FGD4: variants seen among roughly 807,000 people sequenced by gnomAD.
The protein encoded by FGD4 is FYVE, RhoGEF and PH domain-containing protein 4.
In FGD4, 42 loss-of-function variants were observed where a neutral mutation model predicts 102.0. The observed-to-expected ratio is 0.41, with a 90% CI of 0.32 to 0.53. The LOEUF is 0.53. Among genes scored for constraint, FGD4 ranks in the 20% least tolerant of loss-of-function variants. The pLI, the probability that FGD4 is intolerant of heterozygous loss-of-function variation, is 0.21. For missense variants in FGD4, 902 were observed against 1,078.2 expected (o/e 0.84, Z 2.29); for synonymous variants, 380 against 375.7 (o/e 1.01, Z -0.13).
chr12:32,585,375 A>C (rs1045509834), intron 4 of FGD4, among the ~76,000 whole-genome samples: 17 of 151,674 alleles, frequency 1.1e-4, no homozygotes, highest in Non-Finnish European at 2.2e-4. Context: ...AAAATGTGAA[A>C]AAAATTGAAC....
At chr12:32,536,307 T>A (rs1223249626) in intron 1 of FGD4, among the ~76,000 whole-genome samples, 1 of 152,328 alleles carries the variant, frequency 6.6e-6, no homozygotes, top group East Asian at 1.9e-4. Flanking sequence ...TTAAATTTAA[T>A]CAGTTCTTCT....
intron 1 of FGD4, among the ~76,000 whole-genome samples, chr12:32,417,877 C>G (rs1438655183): frequency 6.6e-6 from 1 of 151,460 alleles, no homozygotes; most frequent in Admixed American, 6.6e-5. Context: ...GTTTCCTTAC[C>G]ACAGCTCTTT....
intron 1 of FGD4, among the ~76,000 whole-genome samples, chr12:32,475,195 G>A (rs1943554388): frequency 3.3e-5 from 5 of 152,092 alleles, no homozygotes. Context: ...CACAAGAAAT[G>A]GCCTGTGTTT....
chr12:32,473,276 T>C (rs10771955), intron 1 of FGD4, among the ~76,000 whole-genome samples: 147,436 of 151,686 alleles, frequency 0.97, 71,818 homozygotes, highest in East Asian at 1. Context: ...ACTGTGGAAG[T>C]TTTGTTCTTT....
chr12:32,562,480 T>C (rs953936470), intron 1 of FGD4, among the ~76,000 whole-genome samples: 2 of 152,144 alleles, frequency 1.3e-5, no homozygotes, highest in Non-Finnish European at 2.9e-5. Flanking sequence ...GGCAGGGTCA[T>C]AGGACAATAG....
At chr12:32,556,672 C>T (rs562915321) in intron 1 of FGD4, among the ~76,000 whole-genome samples, 2 of 151,922 alleles carry the variant, frequency 1.3e-5, no homozygotes, top group Admixed American at 6.6e-5. Context: ...GCCTGGCCGA[C>T]GTGGTGAAAC....
chr12:32,444,928 A>G (rs527549963), intron 1 of FGD4, among the ~76,000 whole-genome samples: 1 of 152,336 alleles, frequency 6.6e-6, no homozygotes, highest in East Asian at 1.9e-4. Flanking sequence ...GATATTATTA[A>G]TAGATATGTT....
At chr12:32,586,853 T>C (rs2136475350) in intron 4 of FGD4, among the ~76,000 whole-genome samples, 1 of 152,280 alleles carries the variant, frequency 6.6e-6, no homozygotes, top group East Asian at 1.9e-4. Context: ...CAATACTGAA[T>C]TGAGGGGCTT....
chr12:32,526,375 C>G (rs1315335387), intron 1 of FGD4, among the ~76,000 whole-genome samples: 5 of 152,214 alleles, frequency 3.3e-5, no homozygotes, highest in Non-Finnish European at 7.3e-5. Flanking sequence ...GAGTTTAGCT[C>G]AAGGTTTGTG....
Position 32,624,977 on chromosome 12 carries a change from C to T in FGD4, c.1955C>T (p.Ala652Val). ...SAQDKEEWIK[A>V]LQETIDAFHQ... is the part of the protein sequence containing the mutation. The stretch of plus-strand genomic sequence containing the variant: ...CTTTGAATTTTACTTATACTTTAGG[C>T]CCTTCAAGAAACCATCGATGCTTTT... The change falls in exon 13 of 17, where the codon GCC becomes GTC. Residue 652 changes from alanine to valine, a missense_variant and splice_region_variant. Physicochemically the swap from Ala to Val is moderately conservative, Grantham distance 64. This residue lies in a region of FGD4 where 459 missense variants were observed against 619.0 expected (regional missense o/e 0.74). Transcript: ENST00000534526. 6.2e-7 allele frequency: 1 copy of T among 1,612,488 alleles called. No homozygotes were observed. Among genetic ancestry groups the T allele is most frequent in the Non-Finnish European group, 8.5e-7 (1 of 1,178,884 alleles).
chr12:32,534,296 G>T, intron 1 of FGD4: 1 of 1,328,124 alleles, frequency 7.5e-7, no homozygotes, highest in South Asian at 2.1e-5. Context: ...TCCTTGGGCA[G>T]TAAGTTCGAA....
In FGD4 at chr12:32,545,327, G is replaced by A. The variant is rs12370972; in HGVS notation, c.167-18810G>A. On this transcript the variant is annotated intron_variant, in intron 1 of 16. Coordinates refer to ENST00000534526, the MANE Select transcript of FGD4 (RefSeq NM_001370298.3). ...CTGCTAATGAGTTCACAGAAACCTA[G>A]AGGTTTTTACTTGCCCAAGGTCACA... Among the ~76,000 whole-genome samples the A allele has an allele frequency of 3.3e-5, 5 of 152,268 alleles. 1 individual carries two copies. The highest frequency in any genetic ancestry group is 1.2e-4 in the African/African-American group (5 of 41,556).
chr12:32,589,889 GT>G (rs1947332341), intron 4 of FGD4, among the ~76,000 whole-genome samples: 1 of 152,040 alleles, frequency 6.6e-6, no homozygotes, highest in South Asian at 2.1e-4. Flanking sequence ...GAATTGGATA[GT>G]GTGGAAGACC....
intron 1 of FGD4, among the ~76,000 whole-genome samples, chr12:32,490,131 T>C (rs1214827198): frequency 1.3e-5 from 2 of 152,190 alleles, no homozygotes; most frequent in Admixed American, 1.3e-4. Flanking sequence ...TCTGCATGTA[T>C]GATGAGAAGT....
intron 1 of FGD4, among the ~76,000 whole-genome samples, chr12:32,502,660 T>A (rs139867837): frequency 1.3e-5 from 2 of 152,202 alleles, no homozygotes; most frequent in African/African-American, 4.8e-5. Flanking sequence ...AATACGCCCA[T>A]GGCCCCAAAC....
chr12:32,499,822 C>T (rs1938051870), intron 1 of FGD4, among the ~76,000 whole-genome samples: 1 of 152,110 alleles, frequency 6.6e-6, no homozygotes, highest in South Asian at 2.1e-4. Context: ...TCGAGACCAC[C>T]TCTGCCAGCA....
At chr12:32,523,358 T>C (rs1369863845) in intron 1 of FGD4, among the ~76,000 whole-genome samples, 1 of 152,196 alleles carries the variant, frequency 6.6e-6, no homozygotes, top group Non-Finnish European at 1.5e-5. Flanking sequence ...TTAAATACAT[T>C]TATATTGTAG....
rs374139685 is a variant in FGD4, at chr12:32,625,269, CT to C, written c.2046+221del. Among the ~76,000 whole-genome samples, 7,989 of 119,854 alleles carry C rather than the reference CT, an allele frequency of 0.067. 745 individuals carry two copies. The highest frequency in any genetic ancestry group is 0.23 in the African/African-American group (7,090 of 31,230). The allele number at this position is 119,854 out of a possible 152,430, so 78.6% of individuals were successfully genotyped here. ...TGAACTTCTTTGAATTTTTCTTATT[CT>C]TTTTTTTTTTTTTTTTTTTAACAGA... On this transcript the variant is annotated intron_variant, in intron 13 of 16. Transcript: ENST00000534526.
rs56168193 is a variant in FGD4 at position 32,502,295 on chromosome 12, A to G, written c.167-61842A>G. On this transcript the variant is annotated intron_variant, in intron 1 of 16. Transcript: ENST00000534526. ...AAATGAAGGGAGTTTTACTTCAACC[A>G]TTTGTGACTTCTGGCCAAGAGGAAT... 174 of 985,390 alleles carry G rather than the reference A, an allele frequency of 1.8e-4. No individual in the cohort carries two copies. The highest frequency in any genetic ancestry group is 2.0e-4 in the Non-Finnish European group (167 of 829,930). 61.0% of individuals were successfully genotyped at this position (985,390 alleles called of 1,614,324 possible). A position where few individuals can be genotyped will look rare whatever the true frequency, so the allele number is the denominator to read the frequency against.
Sources: allele counts gnomAD v4.1 joint callset (sites outside exome capture counted in the v4.1 genomes callset), GRCh38; gene constraint gnomAD v4.1.1; regional missense constraint gnomAD v4.1.1; transcripts MANE v1.5; gene names NCBI Gene and HGNC (gene_info 2026-07-23, HGNC 2026-07-21).